SLC25A21: variants seen among roughly 807,000 people sequenced by gnomAD.
SLC25A21 encodes the protein mitochondrial 2-oxodicarboxylate carrier.
SLC25A21 carries 47 observed loss-of-function variants against 43.8 expected under a neutral mutation model. The ratio of observed to expected loss-of-function variants is 1.07; its 90% CI spans 0.85 to 1.37. SLC25A21 has a LOEUF of 1.37. Ranked by LOEUF, SLC25A21 falls within the 40% of genes most tolerant of loss-of-function variation. The pLI is 0.00. For missense variants in SLC25A21, 352 were observed against 350.2 expected (o/e 1.00, Z -0.04); for synonymous variants, 131 against 121.3 (o/e 1.08, Z -0.52).
chr14:36,779,613 T>C (rs1183649249), intron 3 of SLC25A21, among the ~76,000 whole-genome samples: 1 of 19,514 alleles, frequency 5.1e-5, no homozygotes, highest in Non-Finnish European at 8.6e-5. Flanking sequence ...TGTATACATA[T>C]ATATATATAT....
chr14:37,145,211 T>C (rs755286669), intron 1 of SLC25A21, among the ~76,000 whole-genome samples: 4 of 152,038 alleles, frequency 2.6e-5, no homozygotes, highest in Non-Finnish European at 5.9e-5. Flanking sequence ...GGATCTGGTA[T>C]CAGGCATTAA....
At chr14:37,052,646 T>C (rs895218726) in intron 1 of SLC25A21, among the ~76,000 whole-genome samples, 1 of 115,740 alleles carries the variant, frequency 8.6e-6, no homozygotes, top group South Asian at 2.4e-4. Context: ...ATAAACTTTT[T>C]TTTTCCCCCC....
In SLC25A21 at chr14:36,879,395, A is replaced by G. The variant is rs1284576480; in HGVS notation, c.71-4391T>C. ...AAACTAGACAAAATACTGATTTTAT[A>G]AGGCTGAACATTATAAAAATTAGAA... is the stretch of plus-strand genomic sequence containing the variant. On this transcript the variant is annotated intron_variant, in intron 1 of 9. Coordinates refer to ENST00000331299, the MANE Select transcript of SLC25A21 (RefSeq NM_030631.4). Among the ~76,000 whole-genome samples the G allele has an allele frequency of 3.3e-5, 5 of 152,338 alleles. No individual in the cohort carries two copies. The East Asian group carries it at 9.6e-4, about 29-fold the overall frequency.
Position 36,887,580 on chromosome 14 carries a change from A to C in SLC25A21, c.71-12576T>G, listed in dbSNP as rs551061582. On this transcript the variant is annotated intron_variant, in intron 1 of 9. Coordinates refer to ENST00000331299, the MANE Select transcript of SLC25A21 (RefSeq NM_030631.4). Reference sequence around the variant, plus strand: ...TCCATTGCAAAAAAAAAAAAAGGAAAAAAATTGTTCATGCTGACCAGCATT... The same window carrying C: ...TCCATTGCAAAAAAAAAAAAAGGAACAAAATTGTTCATGCTGACCAGCATT... Among the ~76,000 whole-genome samples, 73 of 152,014 alleles carry C rather than the reference A, an allele frequency of 4.8e-4. 1 individual carries two copies. The highest frequency in any genetic ancestry group is 2.3e-3 in the Admixed American group (35 of 15,250).
At chr14:36,709,634 CT>C (rs1441433261) in intron 7 of SLC25A21, among the ~76,000 whole-genome samples, 4 of 152,138 alleles carry the variant, frequency 2.6e-5, no homozygotes, top group African/African-American at 9.7e-5. Flanking sequence ...TGGTTAACAA[CT>C]TTGGTTAGTG....
intron 1 of SLC25A21, among the ~76,000 whole-genome samples, chr14:37,114,306 T>C (rs1311421374): frequency 6.6e-6 from 1 of 152,210 alleles, no homozygotes; most frequent in Non-Finnish European, 1.5e-5. Context: ...AGCCCTAATT[T>C]GAAATGATGT....
At chr14:36,793,551 C>G (rs1336697894) in intron 3 of SLC25A21, among the ~76,000 whole-genome samples, 1 of 138,654 alleles carries the variant, frequency 7.2e-6, no homozygotes, top group Non-Finnish European at 1.6e-5. Context: ...AAAAAAAAAC[C>G]CAGCATGAAT....
chr14:36,874,554 C>T (rs1434435658), intron 2 of SLC25A21, among the ~76,000 whole-genome samples: 1 of 152,110 alleles, frequency 6.6e-6, no homozygotes, highest in African/African-American at 2.4e-5. Context: ...ATGTAAAAAG[C>T]TTACTTGAAA....
intron 1 of SLC25A21, among the ~76,000 whole-genome samples, chr14:37,103,963 T>G (rs117232397): frequency 7.2e-5 from 11 of 152,196 alleles, no homozygotes; most frequent in African/African-American, 2.7e-4. Context: ...CAAATCTGTA[T>G]AGAGCACATG....
chr14:37,169,767 G>A (rs2138961133), intron 1 of SLC25A21, among the ~76,000 whole-genome samples: 1 of 152,018 alleles, frequency 6.6e-6, no homozygotes, highest in East Asian at 1.9e-4. Context: ...GTACTACAGT[G>A]CAATAAAGAT....
intron 1 of SLC25A21, among the ~76,000 whole-genome samples, chr14:36,913,296 T>C (rs1891740902): frequency 6.6e-6 from 1 of 152,100 alleles, no homozygotes; most frequent in African/African-American, 2.4e-5. Context: ...TGAACTGAGA[T>C]TTTTTGTTTG....
At chr14:37,144,949 G>GT (rs1158937279) in intron 1 of SLC25A21, among the ~76,000 whole-genome samples, 1 of 151,198 alleles carries the variant, frequency 6.6e-6, no homozygotes, top group African/African-American at 2.4e-5. Flanking sequence ...TGTTGTTGTT[G>GT]TTGTTGTTTG....
intron 1 of SLC25A21, among the ~76,000 whole-genome samples, chr14:36,958,942 G>A (rs531865706): frequency 6.6e-6 from 1 of 152,304 alleles, no homozygotes; most frequent in African/African-American, 2.4e-5. Context: ...TGTCTGGTGA[G>A]ACTGTGCATA....
At chr14:36,722,406 A>C (rs989122043) in intron 6 of SLC25A21, among the ~76,000 whole-genome samples, 2 of 152,148 alleles carry the variant, frequency 1.3e-5, no homozygotes, top group African/African-American at 4.8e-5. Context: ...CAGCACCAAG[A>C]GTGAGCCCTA....
At chr14:36,874,262 G>A (rs1165187465) in intron 2 of SLC25A21, among the ~76,000 whole-genome samples, 1 of 152,102 alleles carries the variant, frequency 6.6e-6, no homozygotes, top group Non-Finnish European at 1.5e-5. Flanking sequence ...GTGCTTTTGG[G>A]TTTCATATAG....
chr14:37,099,569 T>C (rs1327656987), intron 1 of SLC25A21, among the ~76,000 whole-genome samples: 2 of 152,264 alleles, frequency 1.3e-5, no homozygotes, highest in East Asian at 3.9e-4. Context: ...CCCATTTTGG[T>C]AGACCCTGCC....
chr14:36,741,928 T>A (rs1409580281), intron 3 of SLC25A21, among the ~76,000 whole-genome samples: 1 of 152,236 alleles, frequency 6.6e-6, no homozygotes, highest in African/African-American at 2.4e-5. Context: ...AGAACCCAAA[T>A]GAACATCACC....
intron 2 of SLC25A21, among the ~76,000 whole-genome samples, chr14:36,845,781 G>A (rs1176142180): frequency 6.6e-6 from 1 of 152,172 alleles, no homozygotes; most frequent in Non-Finnish European, 1.5e-5. Flanking sequence ...AGGCAAGTCT[G>A]GGAATTCAAT....
At chr14:36,692,424 A>G (rs1882830484) in intron 7 of SLC25A21, among the ~76,000 whole-genome samples, 1 of 152,238 alleles carries the variant, frequency 6.6e-6, no homozygotes. Flanking sequence ...GCCAAGAGCT[A>G]AAGACAGCAT....
Sources: gnomAD v4.1 joint callset for allele counts (sites outside exome capture counted in the v4.1 genomes callset) on GRCh38, gnomAD v4.1.1 for gene constraint, MANE v1.5 for transcripts, NCBI Gene and HGNC (gene_info 2026-07-23, HGNC 2026-07-21) for gene names.